DOCK3: variants seen among roughly 807,000 people sequenced by gnomAD.
The protein encoded by DOCK3 is dedicator of cytokinesis protein 3.
A neutral mutation model predicts 265.6 loss-of-function variants in DOCK3; 60 were observed. The ratio of observed to expected loss-of-function variants is 0.23; its 90% CI spans 0.18 to 0.28. The LOEUF is 0.28. DOCK3 is among the 10% of genes least tolerant of loss of function. The probability of loss-of-function intolerance (pLI) is 1.00; values close to 1 mark genes in which losing one functional copy is unlikely to be tolerated. For missense variants in DOCK3, 1,981 were observed against 2,594.3 expected, an observed-to-expected ratio of 0.76 and a Z score of 5.14; for synonymous variants, 881 against 938.0, an observed-to-expected ratio of 0.94 and a Z score of 1.11.
chr3:51,065,854 G>A (rs1353960817), intron 6 of DOCK3, among the ~76,000 whole-genome samples: 1 of 152,188 alleles, frequency 6.6e-6, no homozygotes, highest in African/African-American at 2.4e-5. Flanking sequence ...ATCACCAGAT[G>A]TTTGAAGAAA....
At chr3:50,715,604 AT>A (rs1400807423) in intron 1 of DOCK3, among the ~76,000 whole-genome samples, 19 of 152,248 alleles carry the variant, frequency 1.2e-4, no homozygotes, top group Non-Finnish European at 2.9e-5. Context: ...TGGAGTGAGA[AT>A]GAGGGTGATG....
intron 5 of DOCK3, among the ~76,000 whole-genome samples, chr3:50,944,320 A>C (rs1437179191): frequency 6.6e-6 from 1 of 152,220 alleles, no homozygotes; most frequent in African/African-American, 2.4e-5. Flanking sequence ...ACTTTGTATT[A>C]TGCATTCCTG....
intron 32 of DOCK3, among the ~76,000 whole-genome samples, chr3:51,317,932 A>G (rs950810843): frequency 2.6e-5 from 4 of 152,054 alleles, no homozygotes; most frequent in Admixed American, 1.3e-4. Flanking sequence ...TTAAAACCAC[A>G]TGGTGTGAGT....
rs373544389 is a variant in DOCK3 at position 50,738,495 on chromosome 3, C to CTG, written c.38-40176_38-40175dup. On this transcript the variant is annotated intron_variant, in intron 1 of 52. Transcript: ENST00000266037. ...TCGCAGTCATTTTAGAAATCAATGT[C>CTG]TGTGTTTTGTGGATTTCAATGAATT... is the stretch of plus-strand genomic sequence containing the variant. 1.5e-3 allele frequency among the ~76,000 whole-genome samples: 232 copies of CTG among 152,276 alleles called. 2 individuals are homozygous for CTG. The highest frequency in any genetic ancestry group is 7.7e-3 in the East Asian group (40 of 5,180).
chr3:51,017,536 A>G (rs1240908741), intron 5 of DOCK3, among the ~76,000 whole-genome samples: 4 of 151,734 alleles, frequency 2.6e-5, no homozygotes, highest in African/African-American at 9.7e-5. Flanking sequence ...TGCTATATCC[A>G]GTAGGTTTTG....
chr3:51,253,934 C>T (rs1476614008), intron 22 of DOCK3, among the ~76,000 whole-genome samples: 3 of 152,002 alleles, frequency 2.0e-5, no homozygotes, highest in Non-Finnish European at 2.9e-5. Context: ...GCTCTTGCTT[C>T]TCTAGTTCTT....
chr3:50,923,543 A>G (rs771050498), intron 4 of DOCK3, among the ~76,000 whole-genome samples: 1 of 152,210 alleles, frequency 6.6e-6, no homozygotes. Flanking sequence ...TGTAGATTTT[A>G]GTGTAAAGCT....
intron 6 of DOCK3, among the ~76,000 whole-genome samples, chr3:51,071,196 T>C (rs1392623071): frequency 6.6e-6 from 1 of 152,196 alleles, no homozygotes; most frequent in African/African-American, 2.4e-5. Context: ...TCTGAAAGAA[T>C]ATTGGGTCAG....
At chr3:50,983,522 T>G (rs976653482) in intron 5 of DOCK3, among the ~76,000 whole-genome samples, 8 of 152,002 alleles carry the variant, frequency 5.3e-5, no homozygotes, top group African/African-American at 1.9e-4. Flanking sequence ...CCCTTTCTGC[T>G]GAAAGTTGAG....
chr3:51,144,350 C>A (rs1377002735), intron 9 of DOCK3, among the ~76,000 whole-genome samples: 3 of 152,170 alleles, frequency 2.0e-5, no homozygotes, highest in Non-Finnish European at 4.4e-5. Flanking sequence ...CACCAGTGAT[C>A]TGTGTTCGAG....
intron 1 of DOCK3, among the ~76,000 whole-genome samples, chr3:50,722,369 T>C (rs1370769600): frequency 2.0e-5 from 3 of 152,178 alleles, no homozygotes; most frequent in Non-Finnish European, 4.4e-5. Context: ...GTGGTAGATA[T>C]TAAGAATTTT....
At chr3:51,141,299 GTTTTT>G (rs34416506) in intron 9 of DOCK3, among the ~76,000 whole-genome samples, 4 of 142,930 alleles carry the variant, frequency 2.8e-5, no homozygotes, top group Non-Finnish European at 6.1e-5. Context: ...TTCCTGGAGA[GTTTTT>G]TTTTTTTTGA....
At chr3:50,797,280 G>T (rs1012654971) in intron 2 of DOCK3, among the ~76,000 whole-genome samples, 3 of 152,044 alleles carry the variant, frequency 2.0e-5, no homozygotes, top group South Asian at 2.1e-4. Flanking sequence ...GCTGTCAGGC[G>T]CAGGCCTGTG....
intron 3 of DOCK3, among the ~76,000 whole-genome samples, chr3:50,844,323 G>A (rs548314618): frequency 7.2e-5 from 11 of 152,018 alleles, no homozygotes; most frequent in Admixed American, 1.3e-4. Context: ...TTAGGCTACC[G>A]TCCTCCCTCA....
At chr3:51,090,487 A>G in intron 9 of DOCK3, 103 bp downstream of exon 9, 1 of 1,221,174 alleles carries the variant, frequency 8.2e-7, no homozygotes. Flanking sequence ...GAGGCAAAAC[A>G]AGATAAAGTA....
intron 12 of DOCK3, among the ~76,000 whole-genome samples, chr3:51,174,349 A>C (rs2086835011): frequency 6.6e-6 from 1 of 152,120 alleles, no homozygotes. Context: ...TGTGCCTATA[A>C]TCCCAGCTAC....
chr3:51,170,090 G>A (rs2086601577), intron 12 of DOCK3, among the ~76,000 whole-genome samples: 1 of 152,042 alleles, frequency 6.6e-6, no homozygotes, highest in African/African-American at 2.4e-5. Context: ...GACATATTGG[G>A]TTTCAGATTT....
chr3:51,038,840 A>G (rs944569972), intron 5 of DOCK3, among the ~76,000 whole-genome samples: 48 of 151,562 alleles, frequency 3.2e-4, no homozygotes, highest in African/African-American at 1.1e-3. Context: ...TCTCCCACAC[A>G]TATATTAAGA....
At chr3:50,976,738 T>C (rs1179721314) in intron 5 of DOCK3, among the ~76,000 whole-genome samples, 1 of 150,290 alleles carries the variant, frequency 6.7e-6, no homozygotes, top group East Asian at 2.0e-4. Context: ...ATGTTGACAG[T>C]GGGGTGTTAA....
Sources: allele counts gnomAD v4.1 joint callset (sites outside exome capture counted in the v4.1 genomes callset), GRCh38; gene constraint gnomAD v4.1.1; transcripts MANE v1.5; gene names NCBI Gene and HGNC (gene_info 2026-07-23, HGNC 2026-07-21).